Variants in PTCSC3 observed in about 807,000 individuals in gnomAD.
PTCSC3 encodes papillary thyroid carcinoma susceptibility candidate 3 (non-protein coding).
At chr14:36,145,574 G>C (rs1594445896) in intron 3 of PTCSC3, among the ~76,000 whole-genome samples, 1 of 132,848 alleles carries the variant, frequency 7.5e-6, no homozygotes, top group African/African-American at 2.8e-5. Flanking sequence ...AGTCTTGCTA[G>C]CGGTCTATCA....
At chr14:36,148,799 C>T (rs948595785) in intron 3 of PTCSC3, among the ~76,000 whole-genome samples, 7 of 152,100 alleles carry the variant, frequency 4.6e-5, no homozygotes, top group African/African-American at 1.2e-4. Flanking sequence ...AATATTATCA[C>T]GTTGTGGGCA....
At chr14:36,159,241 T>G (rs1238160985) in intron 2 of PTCSC3, among the ~76,000 whole-genome samples, 1 of 113,438 alleles carries the variant, frequency 8.8e-6, no homozygotes, top group Non-Finnish European at 2.0e-5. Flanking sequence ...TGCGTCTTTA[T>G]TTCCTTCAGT....
chr14:36,140,959 A>G (rs931470944), intron 3 of PTCSC3, among the ~76,000 whole-genome samples: 8 of 152,156 alleles, frequency 5.3e-5, no homozygotes, highest in Non-Finnish European at 8.8e-5. Flanking sequence ...ACAAATGTCC[A>G]GTTTTTGTAG....
chr14:36,136,852 G>A (rs1017956707), intron 3 of PTCSC3, among the ~76,000 whole-genome samples: 17 of 152,150 alleles, frequency 1.1e-4, no homozygotes, highest in African/African-American at 4.1e-4. Context: ...AGTAGGTCAG[G>A]AAAGAGATAT....
At chr14:36,140,308 T>G (rs2139087603) in intron 3 of PTCSC3, among the ~76,000 whole-genome samples, 1 of 152,258 alleles carries the variant, frequency 6.6e-6, no homozygotes, top group East Asian at 1.9e-4. Context: ...TGTGTGCAGG[T>G]TTTTGTGTGG....
At chr14:36,144,072 T>C (rs1350581158) in intron 3 of PTCSC3, among the ~76,000 whole-genome samples, 1 of 152,180 alleles carries the variant, frequency 6.6e-6, no homozygotes, top group African/African-American at 2.4e-5. Flanking sequence ...CCTTGTAGTA[T>C]AGTTTGAAGT....
chr14:36,138,323 A>C (rs1881335197), intron 3 of PTCSC3, among the ~76,000 whole-genome samples: 1 of 152,244 alleles, frequency 6.6e-6, no homozygotes, highest in Admixed American at 6.5e-5. Flanking sequence ...TTCTTGGAAC[A>C]CAAAGTTGTA....
At chr14:36,153,559 C>T (rs1047875100) in intron 3 of PTCSC3, among the ~76,000 whole-genome samples, 40 of 152,252 alleles carry the variant, frequency 2.6e-4, no homozygotes, top group African/African-American at 8.4e-4. Context: ...CATTCTTTGG[C>T]AGTATCTGTT....
At chr14:36,150,128 C>T (rs886129731) in intron 3 of PTCSC3, among the ~76,000 whole-genome samples, 3 of 152,108 alleles carry the variant, frequency 2.0e-5, no homozygotes, top group Admixed American at 6.5e-5. Flanking sequence ...TAGCCTTTGT[C>T]TTTTAACTGG....
intron 2 of PTCSC3, among the ~76,000 whole-genome samples, chr14:36,156,610 G>T (rs1375635190): frequency 2.0e-5 from 3 of 151,928 alleles, no homozygotes; most frequent in Non-Finnish European, 4.4e-5. Context: ...TCCCCTCCCT[G>T]TGTCCATGTG....
intron 3 of PTCSC3, among the ~76,000 whole-genome samples, chr14:36,145,375 T>C (rs1362062137): frequency 6.6e-6 from 1 of 151,320 alleles, no homozygotes; most frequent in Non-Finnish European, 1.5e-5. Flanking sequence ...AACTTCTTCC[T>C]GGTTTAGTCT....
intron 3 of PTCSC3, among the ~76,000 whole-genome samples, chr14:36,146,040 T>C (rs1208262481): frequency 1.3e-5 from 2 of 151,876 alleles, no homozygotes; most frequent in East Asian, 3.9e-4. Flanking sequence ...TTTGTTATAA[T>C]CTCTGTTCTT....
At chr14:36,148,194 G>T (rs1290067188) in intron 3 of PTCSC3, among the ~76,000 whole-genome samples, 1 of 152,000 alleles carries the variant, frequency 6.6e-6, no homozygotes, top group Non-Finnish European at 1.5e-5. Flanking sequence ...GCTCCACCCA[G>T]TTTGAGCTTC....
chr14:36,149,296 C>T (rs61996572), intron 3 of PTCSC3, among the ~76,000 whole-genome samples: 9,174 of 152,032 alleles, frequency 0.06, 430 homozygotes, highest in Middle Eastern at 0.17. Context: ...AGATCCATCT[C>T]GATATTTTTA....
intron 2 of PTCSC3, among the ~76,000 whole-genome samples, chr14:36,158,356 T>G (rs1881875782): frequency 6.6e-6 from 1 of 152,148 alleles, no homozygotes. Context: ...ATGCTTCCGG[T>G]TTTTGCCCAT....
chr14:36,148,356 A>G (rs1213137227), intron 3 of PTCSC3, among the ~76,000 whole-genome samples: 5 of 152,234 alleles, frequency 3.3e-5, no homozygotes, highest in Middle Eastern at 3.4e-3. Context: ...TGTGGGATAT[A>G]ATGTCGTGGT....
chr14:36,147,127 G>A (rs1881593955), intron 3 of PTCSC3, among the ~76,000 whole-genome samples: 1 of 152,100 alleles, frequency 6.6e-6, no homozygotes, highest in Admixed American at 6.6e-5. Flanking sequence ...TGGTGAATCT[G>A]ACAATTATGT....
chr14:36,161,670 G>A (rs1378485457), intron 2 of PTCSC3, among the ~76,000 whole-genome samples: 2 of 152,218 alleles, frequency 1.3e-5, no homozygotes, highest in African/African-American at 4.8e-5. Context: ...CCCCGGCTGG[G>A]AGGTGTCTCT....
intron 3 of PTCSC3, among the ~76,000 whole-genome samples, chr14:36,145,506 A>G (rs1433344432): frequency 2.7e-5 from 4 of 148,790 alleles, no homozygotes; most frequent in African/African-American, 1.0e-4. Flanking sequence ...TGGTGGTGAT[A>G]TCCCCTTTAT....
Sources: gnomAD v4.1 joint callset for allele counts (sites outside exome capture counted in the v4.1 genomes callset) on GRCh38, gnomAD v4.1.1 for gene constraint, MANE v1.5 for transcripts, NCBI Gene and HGNC (gene_info 2026-07-23, HGNC 2026-07-21) for gene names.